SKI: variants seen among roughly 807,000 people sequenced by gnomAD.
SKI encodes ski oncogene.
In SKI, 23 loss-of-function variants were observed where a neutral mutation model predicts 59.3. The ratio of observed to expected loss-of-function variants is 0.39; its 90% CI spans 0.28 to 0.55. The LOEUF (loss-of-function observed/expected upper bound fraction) is 0.55. Among genes scored for constraint, SKI ranks in the 20% least tolerant of loss-of-function variants. The pLI, the probability that SKI is intolerant of heterozygous loss-of-function variation, is 0.67. For synonymous variants in SKI, 673 were observed against 488.6 expected, an observed-to-expected ratio of 1.38 and a Z score of -4.98; for missense variants, 1,017 against 1,038.9, an observed-to-expected ratio of 0.98 and a Z score of 0.29.
chr1:2,229,700 G>C lies in SKI; in HGVS notation c.934G>C (p.Asp312His), dbSNP rs1638588058. Residue 312 changes from aspartate to histidine, a missense_variant, in exon 1 of 7, where the codon GAC becomes CAC. Transcript: ENST00000378536. This position sits in a 1 kb window ranked among gnomAD's most constrained non-coding sequence, Gnocchi z 6.3. ...RCLDDVKEKF[D>H]YGNKYKRRVP... ...CCTGGACGACGTGAAGGAGAAATTC[G>C]ACTATGGCAACAAGTACAAGCGGCG... 1 of 1,593,112 alleles carries C rather than the reference G, an allele frequency of 6.3e-7. No individual in the cohort carries two copies. Among genetic ancestry groups the C allele is most frequent in the Admixed American group, 1.8e-5 (1 of 56,742 alleles).
At chr1:2,301,040 G>A (rs984264851) in intron 1 of SKI, among the ~76,000 whole-genome samples, 3 of 152,196 alleles carry the variant, frequency 2.0e-5, no homozygotes, top group African/African-American at 4.8e-5. Flanking sequence ...CGGAGTCAGC[G>A]CCGGCTGTTG....
chr1:2,271,488 G>T (rs780151448), intron 1 of SKI, among the ~76,000 whole-genome samples: 1 of 152,142 alleles, frequency 6.6e-6, no homozygotes, highest in African/African-American at 2.4e-5. Context: ...GGCCTCCAGC[G>T]TGGCGATTAA....
chr1:2,272,107 C>CG (rs912671980), intron 1 of SKI, among the ~76,000 whole-genome samples: 2 of 152,188 alleles, frequency 1.3e-5, no homozygotes, highest in Admixed American at 1.3e-4. Context: ...GCAAAGAGGC[C>CG]GGGTCAAAAG....
chr1:2,262,125 C>T (rs1373471759), intron 1 of SKI, among the ~76,000 whole-genome samples: 1 of 135,736 alleles, frequency 7.4e-6, no homozygotes. Context: ...GTCTGGAAGG[C>T]GTGGAATCAG....
chr1:2,303,796 C>A lies in SKI; in HGVS notation c.1212-44C>A, dbSNP rs1479669746. Reference sequence around the variant, plus strand: ...TGCGCCAGGATGTGTCTGGGTGGTGCTTGGGGACAGAGGCACCTTCCCGAC... The same window carrying A: ...TGCGCCAGGATGTGTCTGGGTGGTGATTGGGGACAGAGGCACCTTCCCGAC... On this transcript the variant is annotated intron_variant, in intron 3 of 6. Transcript: ENST00000378536. This position sits in a 1 kb window ranked among gnomAD's most constrained non-coding sequence, Gnocchi z 5.6. 1 of 1,608,656 alleles carries A rather than the reference C, an allele frequency of 6.2e-7. No individual in the cohort carries two copies. Among genetic ancestry groups the A allele is most frequent in the Middle Eastern group, 1.7e-4 (1 of 5,750 alleles).
At chr1:2,279,363 G>C (rs945671235) in intron 1 of SKI, among the ~76,000 whole-genome samples, 1 of 152,172 alleles carries the variant, frequency 6.6e-6, no homozygotes, top group South Asian at 2.1e-4. Context: ...TCGGGGCATC[G>C]CTTCATCCCT....
At chr1:2,285,549 G>T (rs562771217) in intron 1 of SKI, among the ~76,000 whole-genome samples, 1 of 149,036 alleles carries the variant, frequency 6.7e-6, no homozygotes, top group Non-Finnish European at 1.5e-5. Context: ...CTCTTCCTTT[G>T]AAAGTTTTGT....
chr1:2,306,294 G>T (rs1214341426), intron 6 of SKI, 44 bp downstream of exon 6: 4 of 1,476,128 alleles, frequency 2.7e-6, no homozygotes, highest in African/African-American at 1.4e-5. Context: ...GGTGGGCGTG[G>T]AGCCGCCGTG....
intron 1 of SKI, among the ~76,000 whole-genome samples, chr1:2,250,273 CAG>C (rs939998931): frequency 1.3e-5 from 2 of 152,200 alleles, no homozygotes; most frequent in Admixed American, 6.5e-5. Flanking sequence ...CCCTGCTCAA[CAG>C]AGAGTCCCGT....
At chr1:2,289,030 T>C (rs1033230635) in intron 1 of SKI, among the ~76,000 whole-genome samples, 3 of 152,216 alleles carry the variant, frequency 2.0e-5, no homozygotes, top group Non-Finnish European at 4.4e-5. Flanking sequence ...CACTGAGCTG[T>C]CAGTGTGGTC....
chr1:2,246,804 G>T (rs1639007473), intron 1 of SKI, among the ~76,000 whole-genome samples: 1 of 152,132 alleles, frequency 6.6e-6, no homozygotes, highest in Admixed American at 6.5e-5. Flanking sequence ...TTCTGTGAAG[G>T]GGCACCTACC....
chr1:2,263,714 G>A (rs557495899), intron 1 of SKI, among the ~76,000 whole-genome samples: 5 of 151,574 alleles, frequency 3.3e-5, no homozygotes, highest in Non-Finnish European at 7.4e-5. Flanking sequence ...TTTGGTGGGG[G>A]GACTGGGCGC....
At chr1:2,244,696 T>C (rs2100813490) in intron 1 of SKI, among the ~76,000 whole-genome samples, 1 of 152,364 alleles carries the variant, frequency 6.6e-6, no homozygotes, top group South Asian at 2.1e-4. Context: ...TTGATTGTTT[T>C]GTTATTTCAG....
rs769819108 is a variant in SKI, at chr1:2,303,987, G to A, written c.1359G>A (p.Arg453=). 13 of 1,612,398 alleles carry A rather than the reference G, an allele frequency of 8.1e-6. No individual in the cohort carries two copies. The South Asian group carries it at 1.4e-4, about 18-fold the overall frequency. Residue 453 remains arginine (R), a synonymous_variant, in exon 4 of 7, where the codon CGG becomes CGA. Transcript: ENST00000378536. This position sits in a 1 kb window ranked among gnomAD's most constrained non-coding sequence, Gnocchi z 5.6. Reference sequence around the variant, plus strand: ...CTCTCGCCACTTGCACCCAGCCTCGGAAGCGGAAGCTGACTGTGGACACCC... The same window carrying A: ...CTCTCGCCACTTGCACCCAGCCTCGAAAGCGGAAGCTGACTGTGGACACCC... ...PEPLATCTQP[R]KRKLTVDTPG...
Position 2,306,653 on chromosome 1 carries a change from G to A in SKI, c.2075G>A (p.Arg692His). The A allele has an allele frequency of 6.5e-7, 1 of 1,544,966 alleles. No individual in the cohort carries two copies. Among genetic ancestry groups the A allele is most frequent in the East Asian group, 2.5e-5 (1 of 40,700 alleles). ...EQLRADLLRE[R>H]EAREHLEKVV... ...CTGCGGGCCGACCTGCTGCGGGAGCGCGAGGCCCGGGAGCACCTGGAGAAG... is the reference window on the plus strand; with the variant it reads ...CTGCGGGCCGACCTGCTGCGGGAGCACGAGGCCCGGGAGCACCTGGAGAAG... The change falls in exon 7 of 7, where the codon CGC becomes CAC. Residue 692 changes from arginine (R) to histidine (H), a missense_variant. Transcript: ENST00000378536.
At chr1:2,230,464 C>T (rs997102130) in intron 1 of SKI, among the ~76,000 whole-genome samples, 3 of 152,340 alleles carry the variant, frequency 2.0e-5, no homozygotes, top group African/African-American at 4.8e-5. Context: ...GGGGCCTGGT[C>T]AGCAGGCTCC....
At chr1:2,302,422 C>A (rs1279612214) in intron 1 of SKI, among the ~76,000 whole-genome samples, 1 of 152,190 alleles carries the variant, frequency 6.6e-6, no homozygotes, top group East Asian at 1.9e-4. Context: ...TTTAATGCAC[C>A]TGTGCCAGTG....
rs560854070 is a variant in SKI at position 2,254,352 on chromosome 1, G to A, written c.969+24617G>A. 5.3e-5 allele frequency among the ~76,000 whole-genome samples: 8 copies of A among 152,288 alleles called. No homozygotes were observed. In the South Asian group the frequency reaches 1.7e-3, roughly 32 times the overall value. ...TCCCCCCGTGGGTCTTCGTGTCACA[G>A]GGTGCTTGGGGGACTCTGCTGCACT... On this transcript the variant is annotated intron_variant, in intron 1 of 6. Transcript: ENST00000378536.
At chr1:2,288,349 T>G (rs1323619495) in intron 1 of SKI, among the ~76,000 whole-genome samples, 1 of 152,244 alleles carries the variant, frequency 6.6e-6, no homozygotes, top group Non-Finnish European at 1.5e-5. Context: ...CTCTAACTCC[T>G]AACCTCAGGT....
Sources: gnomAD v4.1 joint callset for allele counts (sites outside exome capture counted in the v4.1 genomes callset) on GRCh38, gnomAD v4.1.1 for gene constraint, Gnocchi (gnomAD v3.1) non-coding constraint, MANE v1.5 for transcripts, NCBI Gene and HGNC (gene_info 2026-07-23, HGNC 2026-07-21) for gene names.